HMCN1: variants seen among roughly 807,000 people sequenced by gnomAD.
The protein encoded by HMCN1 is hemicentin-1.
In HMCN1, 321 loss-of-function variants were observed where a neutral mutation model predicts 625.9. That is an observed-to-expected ratio of 0.51 (90% CI 0.47 to 0.56). The LOEUF (loss-of-function observed/expected upper bound fraction) is 0.56. Among genes scored for constraint, HMCN1 ranks in the 20% least tolerant of loss-of-function variants. The probability of loss-of-function intolerance (pLI) is 0.00; values close to 1 mark genes in which losing one functional copy is unlikely to be tolerated. For synonymous variants in HMCN1, 2,425 were observed against 2,417.6 expected, an observed-to-expected ratio of 1.00 and a Z score of -0.09; for missense variants, 6,588 against 6,887.3, an observed-to-expected ratio of 0.96 and a Z score of 1.54.
chr1:185,884,996 T>C (rs1459039623), intron 4 of HMCN1, among the ~76,000 whole-genome samples: 1 of 151,928 alleles, frequency 6.6e-6, no homozygotes, highest in Non-Finnish European at 1.5e-5. Flanking sequence ...TGTTATCAAG[T>C]TGAGCATTAA....
intron 1 of HMCN1, among the ~76,000 whole-genome samples, chr1:185,741,538 T>C (rs1303919901): frequency 2.0e-5 from 3 of 152,146 alleles, no homozygotes; most frequent in African/African-American, 7.2e-5. Flanking sequence ...AGACTGACTA[T>C]AAATGGAGAA....
intron 97 of HMCN1, among the ~76,000 whole-genome samples, chr1:186,154,433 A>G (rs1273956259): frequency 6.6e-6 from 1 of 152,004 alleles, no homozygotes; most frequent in Non-Finnish European, 1.5e-5. Flanking sequence ...GAGGCAGGAG[A>G]ATTGCTTGAA....
At chr1:186,010,398 A>C (rs1481242755) in intron 30 of HMCN1, among the ~76,000 whole-genome samples, 2 of 152,196 alleles carry the variant, frequency 1.3e-5, no homozygotes, top group African/African-American at 4.8e-5. Context: ...TAAGCAGTGG[A>C]TGCTATGTTA....
chr1:185,791,565 C>CA (rs1018554759), intron 1 of HMCN1, among the ~76,000 whole-genome samples: 3 of 151,488 alleles, frequency 2.0e-5, no homozygotes, highest in African/African-American at 7.3e-5. Flanking sequence ...ACTAAAAATA[C>CA]AAAAAAATTA....
At chr1:186,063,445 A>ACG (rs1553286007) in intron 48 of HMCN1, among the ~76,000 whole-genome samples, 3 of 127,220 alleles carry the variant, frequency 2.4e-5, no homozygotes, top group African/African-American at 9.3e-5. Context: ...GGAGGGACGG[A>ACG]GAGAGAAGGA....
intron 1 of HMCN1, among the ~76,000 whole-genome samples, chr1:185,809,842 A>C (rs1571385340): frequency 6.6e-6 from 1 of 152,154 alleles, no homozygotes; most frequent in South Asian, 2.1e-4. Context: ...AAACAATTCA[A>C]ATTCTCTTCA....
chr1:185,963,753 G>A lies in HMCN1; in HGVS notation c.1971-15G>A, dbSNP rs1460221233. 3.2e-6 allele frequency: 5 copies of A among 1,567,884 alleles called. No individual in the cohort carries two copies. Among genetic ancestry groups the A allele is most frequent in the Admixed American group, 1.7e-5 (1 of 59,782 alleles). ...GCATTTTCAATTTTATATTCTTTTT[G>A]TTTTTTATTCATAGGTATAGGATGA... On this transcript the variant is annotated splice_polypyrimidine_tract_variant and intron_variant, in intron 12 of 106. Coordinates refer to ENST00000271588, the MANE Select transcript of HMCN1 (RefSeq NM_031935.3).
chr1:185,841,397 C>A (rs920427564), intron 1 of HMCN1, among the ~76,000 whole-genome samples: 3 of 152,110 alleles, frequency 2.0e-5, no homozygotes, highest in South Asian at 2.1e-4. Flanking sequence ...AGTGAATAAA[C>A]CATTTTGGTT....
At chr1:185,902,149 T>C (rs2102435137) in intron 4 of HMCN1, among the ~76,000 whole-genome samples, 1 of 151,876 alleles carries the variant, frequency 6.6e-6, no homozygotes, top group Admixed American at 6.6e-5. Context: ...CCTATATCCA[T>C]TTATGAATTG....
intron 7 of HMCN1, among the ~76,000 whole-genome samples, chr1:185,923,178 A>G (rs1667085030): frequency 2.0e-5 from 3 of 152,214 alleles, no homozygotes; most frequent in African/African-American, 7.2e-5. Context: ...ATGTAAACAT[A>G]GTTAAAATAC....
chr1:186,091,470 T>C (rs1249436969), intron 64 of HMCN1, among the ~76,000 whole-genome samples: 3 of 152,006 alleles, frequency 2.0e-5, no homozygotes, highest in African/African-American at 7.2e-5. Context: ...ACAAACCACA[T>C]AGAGATGGGC....
chr1:186,112,729 T>C, intron 71 of HMCN1, 83 bp from the exon 72 acceptor site: 4 of 1,533,020 alleles, frequency 2.6e-6, no homozygotes, highest in Non-Finnish European at 3.6e-6. Flanking sequence ...CAGTTCACTA[T>C]ACTTACTTTT....
At chr1:185,842,731 A>T (rs1220779694) in intron 1 of HMCN1, among the ~76,000 whole-genome samples, 1 of 136,714 alleles carries the variant, frequency 7.3e-6, no homozygotes, top group African/African-American at 2.9e-5. Flanking sequence ...AGCCTGTCTT[A>T]AAAAAAAAAA....
At chr1:185,898,276 T>C (rs1369927516) in intron 4 of HMCN1, among the ~76,000 whole-genome samples, 2 of 152,056 alleles carry the variant, frequency 1.3e-5, no homozygotes, top group African/African-American at 2.4e-5. Flanking sequence ...TCTGGGGCAA[T>C]AGATTCACTA....
At chr1:186,147,015 C>A (rs1650354769) in intron 93 of HMCN1, among the ~76,000 whole-genome samples, 1 of 152,214 alleles carries the variant, frequency 6.6e-6, no homozygotes, top group African/African-American at 2.4e-5. Flanking sequence ...TAATACTCCT[C>A]TTTCTCCCTG....
At chr1:185,802,407 G>A (rs1658860772) in intron 1 of HMCN1, among the ~76,000 whole-genome samples, 1 of 151,104 alleles carries the variant, frequency 6.6e-6, no homozygotes, top group African/African-American at 2.5e-5. Flanking sequence ...GAATCACCAT[G>A]CGTAGTTTTT....
Position 186,038,818 on chromosome 1 carries a change from T to G in HMCN1, c.5852-11T>G. On this transcript the variant is annotated splice_polypyrimidine_tract_variant and intron_variant, in intron 37 of 106. Transcript: ENST00000271588. Reference sequence around the variant, plus strand: ...TTTTACATAGATCATCTTCTCCCCTTCTTCTTTCAGTTATTACATGGTACA... The same window carrying G: ...TTTTACATAGATCATCTTCTCCCCTGCTTCTTTCAGTTATTACATGGTACA... 6.4e-7 allele frequency: 1 copy of G among 1,574,422 alleles called. No homozygotes were observed. The highest frequency in any genetic ancestry group is 8.7e-7 in the Non-Finnish European group (1 of 1,144,112).
intron 11 of HMCN1, among the ~76,000 whole-genome samples, chr1:185,937,608 G>A (rs1667873208): frequency 6.6e-6 from 1 of 152,040 alleles, no homozygotes; most frequent in Non-Finnish European, 1.5e-5. Flanking sequence ...TGGGCTGGAC[G>A]CAGTGGCTCA....
intron 68 of HMCN1, 23 bp from the exon 69 acceptor site, chr1:186,103,449 T>C: frequency 6.3e-7 from 1 of 1,588,688 alleles, no homozygotes; most frequent in Non-Finnish European, 8.6e-7. Context: ...GGTTTATTAT[T>C]ATTTTTGATT....
Sources: gnomAD v4.1 joint callset for allele counts (sites outside exome capture counted in the v4.1 genomes callset) on GRCh38, gnomAD v4.1.1 for gene constraint, MANE v1.5 for transcripts, NCBI Gene and HGNC (gene_info 2026-07-23, HGNC 2026-07-21) for gene names.